Variants in DMD observed in about 807,000 individuals in gnomAD.
The protein encoded by DMD is dystrophin.
DMD carries 63 observed loss-of-function variants against 330.1 expected under a neutral mutation model. The ratio of observed to expected loss-of-function variants is 0.19; its 90% CI spans 0.16 to 0.24. The LOEUF is 0.24. Among genes scored for constraint, DMD ranks in the 10% least tolerant of loss-of-function variants. DMD has a pLI of 1.00. For synonymous variants in DMD, 1,223 were observed against 959.8 expected (o/e 1.27, Z -5.07); for missense variants, 3,344 against 2,684.1 (o/e 1.25, Z -5.43).
chrX:33,097,598 C>A (rs890194087), intron 1 of DMD, among the ~76,000 whole-genome samples: 16 of 96,982 alleles, frequency 1.6e-4, no homozygotes, highest in African/African-American at 5.1e-4. Flanking sequence ...AGTATTTATA[C>A]ATGAGACTCT....
chrX:32,370,987 G>A (rs2097874434), intron 34 of DMD, among the ~76,000 whole-genome samples: 1 of 111,140 alleles, frequency 9.0e-6, no homozygotes, highest in Admixed American at 9.6e-5. Flanking sequence ...GCTAGTTAGA[G>A]TTAGACCAAT....
At chrX:31,445,027 G>A (rs1377530685) in intron 59 of DMD, among the ~76,000 whole-genome samples, 1 of 111,510 alleles carries the variant, frequency 9.0e-6, no homozygotes, top group African/African-American at 3.3e-5. Flanking sequence ...AGAACAGTGA[G>A]AAATAAGTTT....
At chrX:33,217,742 T>C (rs1430874640) in intron 1 of DMD, among the ~76,000 whole-genome samples, 1 of 111,904 alleles carries the variant, frequency 8.9e-6, no homozygotes, top group Non-Finnish European at 1.9e-5. Context: ...CTTATATAAA[T>C]GAAACTTCAT....
At chrX:31,201,183 A>G (rs1242884380) in intron 67 of DMD, among the ~76,000 whole-genome samples, 2 of 108,578 alleles carry the variant, frequency 1.8e-5, no homozygotes, top group East Asian at 5.8e-4. Context: ...ACACACACAC[A>G]CACACACACA....
At chrX:32,377,947 G>A (rs1035016789) in intron 34 of DMD, among the ~76,000 whole-genome samples, 1 of 110,663 alleles carries the variant, frequency 9.0e-6, no homozygotes, top group African/African-American at 3.3e-5. Context: ...TTTCCTGAAT[G>A]GCCCTTTAGC....
At chrX:33,224,272 C>T (rs1463041574) in intron 1 of DMD, among the ~76,000 whole-genome samples, 1 of 112,239 alleles carries the variant, frequency 8.9e-6, no homozygotes, top group Non-Finnish European at 1.9e-5. Context: ...CGCACAAAAA[C>T]CTGCAGATGG....
chrX:31,871,705 T>G (rs1397583012), intron 48 of DMD, among the ~76,000 whole-genome samples: 1 of 99,955 alleles, frequency 1.0e-5, no homozygotes, highest in East Asian at 3.1e-4. Flanking sequence ...AGTAAAGGTG[T>G]TTTTTTTTTT....
At chrX:32,712,162 TATTG>T (rs2065246037) in intron 7 of DMD, among the ~76,000 whole-genome samples, 1 of 111,837 alleles carries the variant, frequency 8.9e-6, no homozygotes, top group Admixed American at 9.6e-5. Flanking sequence ...TGTAACTATT[TATTG>T]GACACTTGCC....
intron 2 of DMD, among the ~76,000 whole-genome samples, chrX:32,865,774 T>A (rs2082432506): frequency 8.9e-6 from 1 of 112,673 alleles, no homozygotes; most frequent in Non-Finnish European, 1.9e-5. Flanking sequence ...TTGGCACTGT[T>A]TACCAATTAT....
At chrX:31,203,069 G>C (rs1249764421) in intron 67 of DMD, among the ~76,000 whole-genome samples, 1 of 110,097 alleles carries the variant, frequency 9.1e-6, no homozygotes, top group Non-Finnish European at 1.9e-5. Context: ...ATCACCTGAG[G>C]TCAGGAGTTT....
chrX:32,736,093 A>G (rs1034350615), intron 7 of DMD, among the ~76,000 whole-genome samples: 1 of 112,198 alleles, frequency 8.9e-6, no homozygotes, highest in Non-Finnish European at 1.9e-5. Flanking sequence ...ACCCCATCAA[A>G]AAGTGGGCGA....
At chrX:33,093,176 G>A (rs190244398) in intron 1 of DMD, among the ~76,000 whole-genome samples, 53 of 112,183 alleles carry the variant, frequency 4.7e-4, no homozygotes, top group African/African-American at 1.6e-3. Context: ...TGCCCAGCCT[G>A]TAATTTTCTT....
intron 21 of DMD, among the ~76,000 whole-genome samples, chrX:32,480,652 AACT>A (rs1462461878): frequency 5.6e-5 from 6 of 106,937 alleles, no homozygotes; most frequent in East Asian, 5.7e-4. Context: ...ATGCACACAC[AACT>A]TGTGTACATA....
intron 1 of DMD, among the ~76,000 whole-genome samples, chrX:33,154,187 A>C (rs188151008): frequency 2.5e-3 from 274 of 111,689 alleles, no homozygotes; most frequent in African/African-American, 8.6e-3. Context: ...ATTTGAGGTC[A>C]GGAGATGGAG....
chrX:32,726,408 T>G (rs115054508), intron 7 of DMD, among the ~76,000 whole-genome samples: 1,887 of 111,423 alleles, frequency 0.017, 45 homozygotes, highest in African/African-American at 0.057. Flanking sequence ...TAAAGTTATA[T>G]CTACTTGATG....
chrX:32,760,908 TTTC>T (rs1179854592), intron 7 of DMD, among the ~76,000 whole-genome samples: 1 of 111,457 alleles, frequency 9.0e-6, no homozygotes, highest in African/African-American at 3.3e-5. Flanking sequence ...CTTCCTCTTA[TTTC>T]TTCTTCATTG....
At chrX:31,687,284 G>C (rs1232833792) in intron 52 of DMD, among the ~76,000 whole-genome samples, 1 of 111,011 alleles carries the variant, frequency 9.0e-6, no homozygotes, top group Non-Finnish European at 1.9e-5. Flanking sequence ...GAGAAAAGTA[G>C]ACAGAAAAGT....
chrX:32,802,482 G>C (rs1234349236), intron 7 of DMD, among the ~76,000 whole-genome samples: 2 of 111,537 alleles, frequency 1.8e-5, no homozygotes, highest in Non-Finnish European at 3.8e-5. Context: ...TCTCCTGCCT[G>C]ATTGTGCTGG....
chrX:31,175,138 A>G (rs1459346618), intron 71 of DMD, among the ~76,000 whole-genome samples: 1 of 111,701 alleles, frequency 9.0e-6, no homozygotes, highest in Non-Finnish European at 1.9e-5. Flanking sequence ...TAATACTTGG[A>G]TTATTTGTAT....
Sources: allele counts gnomAD v4.1 joint callset (sites outside exome capture counted in the v4.1 genomes callset), GRCh38; gene constraint gnomAD v4.1.1; transcripts MANE v1.5; gene names NCBI Gene and HGNC (gene_info 2026-07-23, HGNC 2026-07-21).